Variants in ANKS1B observed in about 807,000 individuals in gnomAD.
The protein encoded by ANKS1B is ankyrin repeat and sterile alpha motif domain-containing protein 1B.
ANKS1B carries 36 observed loss-of-function variants against 148.3 expected under a neutral mutation model. The ratio of observed to expected loss-of-function variants is 0.24; its 90% CI spans 0.19 to 0.32. The LOEUF is 0.32. ANKS1B is among the 10% of genes least tolerant of loss of function. The pLI is 1.00. For synonymous variants in ANKS1B, 542 were observed against 560.8 expected (o/e 0.97, Z 0.47); for missense variants, 1,157 against 1,542.6 (o/e 0.75, Z 4.19).
chr12:99,871,650 G>T (rs564636525), intron 1 of ANKS1B, among the ~76,000 whole-genome samples: 4 of 152,132 alleles, frequency 2.6e-5, no homozygotes, highest in African/African-American at 9.6e-5. Flanking sequence ...GTATTCCTAG[G>T]TATTTTGTTT....
chr12:99,353,327 G>A (rs906082851), intron 12 of ANKS1B, among the ~76,000 whole-genome samples: 1 of 151,992 alleles, frequency 6.6e-6, no homozygotes, highest in Admixed American at 6.6e-5. Context: ...GAGAGTAAAT[G>A]TGTGTGTTGT....
intron 12 of ANKS1B, among the ~76,000 whole-genome samples, chr12:99,342,880 A>T (rs957769035): frequency 2.6e-5 from 4 of 152,002 alleles, no homozygotes; most frequent in Admixed American, 6.6e-5. Flanking sequence ...TTATGAATAA[A>T]GAAAAATCTT....
chr12:99,562,831 G>C (rs1037891389), intron 9 of ANKS1B, among the ~76,000 whole-genome samples: 3 of 152,174 alleles, frequency 2.0e-5, no homozygotes, highest in African/African-American at 7.2e-5. Flanking sequence ...TACAATTCAA[G>C]ATGAGATTTG....
intron 12 of ANKS1B, among the ~76,000 whole-genome samples, chr12:99,256,336 G>A (rs927029983): frequency 6.6e-6 from 1 of 151,212 alleles, no homozygotes; most frequent in Non-Finnish European, 1.5e-5. Flanking sequence ...AAAAACTTTA[G>A]AGCATTTTAC....
chr12:98,995,509 A>G (rs981619237), intron 17 of ANKS1B, among the ~76,000 whole-genome samples: 2 of 152,228 alleles, frequency 1.3e-5, no homozygotes, highest in Non-Finnish European at 2.9e-5. Context: ...TTCTACGGCA[A>G]TTAAGTAGCA....
intron 12 of ANKS1B, among the ~76,000 whole-genome samples, chr12:99,302,876 G>A (rs2081856606): frequency 6.6e-6 from 1 of 152,124 alleles, no homozygotes; most frequent in Non-Finnish European, 1.5e-5. Context: ...ACTGAAAGTA[G>A]AGATGACATT....
At chr12:99,155,193 T>C (rs2075870707) in intron 14 of ANKS1B, 1 of 1,252,018 alleles carries the variant, frequency 8.0e-7, no homozygotes, top group African/African-American at 1.5e-5. Flanking sequence ...CTTTCTCCTT[T>C]TCCTTTCTTT....
At chr12:98,756,830 G>A (rs762496904) in intron 25 of ANKS1B, among the ~76,000 whole-genome samples, 4 of 150,876 alleles carry the variant, frequency 2.7e-5, no homozygotes, top group Non-Finnish European at 5.9e-5. Flanking sequence ...TGGCTTCAAG[G>A]GATTCTCCTG....
intron 12 of ANKS1B, among the ~76,000 whole-genome samples, chr12:99,311,161 A>C (rs2083106435): frequency 6.6e-6 from 1 of 152,168 alleles, no homozygotes; most frequent in Admixed American, 6.6e-5. Context: ...TTACACTCTT[A>C]AGACTTCTTA....
intron 14 of ANKS1B, among the ~76,000 whole-genome samples, chr12:99,241,983 C>T (rs573275755): frequency 7.9e-4 from 120 of 152,158 alleles, no homozygotes; most frequent in Non-Finnish European, 1.3e-3. Flanking sequence ...CTTTGAAAAC[C>T]GGCGAAAGAC....
chr12:99,034,651 A>G (rs541208388), intron 17 of ANKS1B, among the ~76,000 whole-genome samples: 2 of 152,316 alleles, frequency 1.3e-5, no homozygotes, highest in African/African-American at 2.4e-5. Flanking sequence ...AGTCTTATAC[A>G]TGTGAAGTCT....
chr12:99,855,469 C>T (rs2088858703), intron 1 of ANKS1B, among the ~76,000 whole-genome samples: 1 of 152,068 alleles, frequency 6.6e-6, no homozygotes, highest in African/African-American at 2.4e-5. Flanking sequence ...CAGTGGGAAA[C>T]TTCAACACTC....
At chr12:99,683,975 C>T (rs1190312730) in intron 8 of ANKS1B, among the ~76,000 whole-genome samples, 3 of 151,876 alleles carry the variant, frequency 2.0e-5, no homozygotes, top group African/African-American at 7.3e-5. Flanking sequence ...TAATAAAATC[C>T]ATCTAAGACA....
intron 9 of ANKS1B, among the ~76,000 whole-genome samples, chr12:99,594,038 T>C (rs373780976): frequency 6.6e-6 from 1 of 151,962 alleles, no homozygotes; most frequent in African/African-American, 2.4e-5. Flanking sequence ...ACTGAATAGT[T>C]TGTGACTTCA....
chr12:99,628,538 C>G (rs1347688227), intron 9 of ANKS1B, among the ~76,000 whole-genome samples: 1 of 152,132 alleles, frequency 6.6e-6, no homozygotes, highest in Non-Finnish European at 1.5e-5. Flanking sequence ...TTTTTCTGTA[C>G]AGGATAAAAC....
At chr12:99,325,084 G>A (rs989584977) in intron 12 of ANKS1B, among the ~76,000 whole-genome samples, 2 of 152,044 alleles carry the variant, frequency 1.3e-5, no homozygotes, top group Non-Finnish European at 2.9e-5. Context: ...ATACACGATG[G>A]TGGTCCCATA....
At chr12:99,565,714 T>A (rs1300688444) in intron 9 of ANKS1B, among the ~76,000 whole-genome samples, 1 of 152,188 alleles carries the variant, frequency 6.6e-6, no homozygotes, top group East Asian at 1.9e-4. Context: ...TTTTGGGGAC[T>A]TAACCATCTC....
At chr12:98,834,576 C>G (rs2099351406) in intron 17 of ANKS1B, among the ~76,000 whole-genome samples, 1 of 152,140 alleles carries the variant, frequency 6.6e-6, no homozygotes, top group African/African-American at 2.4e-5. Context: ...AGGCAGAAGC[C>G]CATCTGCCAT....
At chr12:99,601,138 T>C (rs1288034733) in intron 9 of ANKS1B, among the ~76,000 whole-genome samples, 1 of 152,092 alleles carries the variant, frequency 6.6e-6, no homozygotes, top group African/African-American at 2.4e-5. Flanking sequence ...GATTTTAAGT[T>C]CTGTGGATGG....
Sources: allele counts gnomAD v4.1 joint callset (sites outside exome capture counted in the v4.1 genomes callset), GRCh38; gene constraint gnomAD v4.1.1; transcripts MANE v1.5; gene names NCBI Gene and HGNC (gene_info 2026-07-23, HGNC 2026-07-21).